Variants in USP29 observed in about 807,000 individuals in gnomAD.
USP29 encodes the protein ubiquitin carboxyl-terminal hydrolase 29.
For synonymous variants in USP29, 386 were observed against 387.4 expected (o/e 1.00, Z 0.04); for missense variants, 1,102 against 1,069.0 (o/e 1.03, Z -0.43).
At chr19:57,123,079 G>A (rs2086806273) in intron 2 of USP29, among the ~76,000 whole-genome samples, 1 of 152,098 alleles carries the variant, frequency 6.6e-6, no homozygotes, top group African/African-American at 2.4e-5. Flanking sequence ...GAAGAAATGT[G>A]GGCACCCATC....
At chr19:57,127,471 A>T (rs1395029375) in intron 3 of USP29, among the ~76,000 whole-genome samples, 2 of 152,206 alleles carry the variant, frequency 1.3e-5, no homozygotes, top group Non-Finnish European at 2.9e-5. Context: ...TTCTTCAGAG[A>T]TGCCCTGACC....
Position 57,130,996 on chromosome 19 carries a change from T to A in USP29, c.2321T>A (p.Leu774Ter). ...TEETLNQSTE[L>*]RLQKADLNHL... ...GAGACCCTCAATCAGTCTACAGAAT[T>A]AAGACTTCAAAAGGCTGACCTGAAT... The change falls in exon 4 of 4, where the codon TTA (leucine) becomes TAA (stop). Residue 774 changes from leucine to a stop codon, truncating the protein, a stop_gained. Transcript: ENST00000254181. LOFTEE classifies it low-confidence loss of function (END_TRUNC). 1 of 1,614,104 alleles carries A rather than the reference T, an allele frequency of 6.2e-7. No individual in the cohort carries two copies.
At chr19:57,126,046 T>C (rs2086822390) in intron 3 of USP29, among the ~76,000 whole-genome samples, 1 of 152,194 alleles carries the variant, frequency 6.6e-6, no homozygotes, top group Non-Finnish European at 1.5e-5. Context: ...GGATATGAAA[T>C]TCAGGGTTGA....
intron 1 of USP29, among the ~76,000 whole-genome samples, chr19:57,121,483 T>C (rs925984983): frequency 3.9e-5 from 5 of 128,676 alleles, no homozygotes; most frequent in African/African-American, 1.1e-4. Flanking sequence ...TACATACTTA[T>C]ATGTTATATA....
chr19:57,121,480 TTATATGTTATATATACTTA>T (rs1313598012), intron 1 of USP29, among the ~76,000 whole-genome samples: 6,149 of 139,774 alleles, frequency 0.044, 319 homozygotes, highest in East Asian at 0.13. Flanking sequence ...TTATACATAC[TTATATGTTATATATACTTA>T]TATATGTTAT....
At position 57,129,437 on chromosome 19, in the gene USP29, GACATCT is replaced by G. The variant is rs1297484588; in HGVS notation, c.763_768del (p.Thr255_Ser256del). On this transcript the variant is annotated inframe_deletion, in exon 4 of 4. Transcript: ENST00000254181. ...AGACTCTCAATGCCAAAAATGGTTT[GACATCT>G]CCATTGGAACCAGAGCACAGCCAGG... The G allele has an allele frequency of 6.2e-7, 1 of 1,614,156 alleles. No homozygotes were observed. Among genetic ancestry groups the G allele is most frequent in the Non-Finnish European group, 8.5e-7 (1 of 1,180,040 alleles).
At chr19:57,122,849 C>G (rs878855340) in intron 2 of USP29, among the ~76,000 whole-genome samples, 1 of 152,068 alleles carries the variant, frequency 6.6e-6, no homozygotes, top group Non-Finnish European at 1.5e-5. Flanking sequence ...TGTGATTCCT[C>G]CTTTCATTAA....
chr19:57,130,592 A>C lies in USP29; in HGVS notation c.1917A>C (p.Ala639=), dbSNP rs764495368. ...AATTGGTCCACTTTAGAGATAGGGCAATCGGTGAAAAGGAGCTTCCAGTGG... is the reference window on the plus strand; with the variant it reads ...AATTGGTCCACTTTAGAGATAGGGCCATCGGTGAAAAGGAGCTTCCAGTGG... ...ESELVHFRDR[A]IGEKELPVAD... Residue 639 remains alanine, a synonymous_variant, in exon 4 of 4, where the codon GCA becomes GCC. Transcript: ENST00000254181. The C allele has an allele frequency of 3.1e-6, 5 of 1,614,184 alleles. No homozygotes were observed. The Admixed American group carries it at 6.7e-5, about 22-fold the overall frequency.
Position 57,130,464 on chromosome 19 carries a change from C to A in USP29, c.1789C>A (p.Pro597Thr). The part of the protein sequence containing the change: ...SSDSLVLPVE[P>T]DKNADLQRFQ... ...TGATTCCCTGGTTCTACCCGTTGAA[C>A]CAGACAAGAATGCCGACCTACAAAG... The change falls in exon 4 of 4, where the codon CCA becomes ACA. Residue 597 changes from proline to threonine, a missense_variant. Transcript: ENST00000254181. 1 of 1,614,128 alleles carries A rather than the reference C, an allele frequency of 6.2e-7. No homozygotes were observed. Among genetic ancestry groups the A allele is most frequent in the East Asian group, 2.2e-5 (1 of 44,874 alleles).
At position 57,128,879 on chromosome 19, in the gene USP29, A is replaced by C. The variant is rs144516387; in HGVS notation, c.204A>C (p.Arg68Ser). 1 of 1,613,242 alleles carries C rather than the reference A, an allele frequency of 6.2e-7. No homozygotes were observed. The highest frequency in any genetic ancestry group is 1.1e-5 in the South Asian group (1 of 90,746). Residue 68 changes from arginine (R) to serine (S), a missense_variant, in exon 4 of 4, where the codon AGA (arginine) becomes AGC (serine). Arg to Ser is a moderately radical substitution (Grantham distance 110, BLOSUM62 -1). Coordinates refer to ENST00000254181, the MANE Select transcript of USP29 (RefSeq NM_020903.3). ...RSVVLRHCKK[R>S]QSHLRLTLKN... The stretch of plus-strand genomic sequence containing the variant: ...TGGTCCTTAGACATTGTAAAAAAAG[A>C]CAAAGTCACCTGCGTTTAACTTTGA...
chr19:57,128,305 T>TGGGTTTGAACTC (rs1193786838), intron 3 of USP29, among the ~76,000 whole-genome samples: 1 of 152,182 alleles, frequency 6.6e-6, no homozygotes, highest in Non-Finnish European at 1.5e-5. Flanking sequence ...ACTCCTGGGC[T>TGGGTTTGAACTC]CAAGTGATCC....
chr19:57,121,506 TTATATATACTTATATATGC>T (rs1568453949), intron 1 of USP29, among the ~76,000 whole-genome samples: 5 of 129,356 alleles, frequency 3.9e-5, no homozygotes, highest in African/African-American at 5.3e-5. Context: ...CTTATATATG[TTATATATACTTATATATGC>T]TATATATACT....
chr19:57,123,539 A>G (rs2086808443), intron 2 of USP29, among the ~76,000 whole-genome samples: 1 of 152,188 alleles, frequency 6.6e-6, no homozygotes, highest in Non-Finnish European at 1.5e-5. Context: ...TTAGTGTTAG[A>G]AAAGCAGTAA....
In USP29 at chr19:57,130,434, T is replaced by C. The variant is rs781425923; in HGVS notation, c.1759T>C (p.Ser587Pro). The change falls in exon 4 of 4, where the codon TCC becomes CCC. Residue 587 changes from serine to proline, a missense_variant. Physicochemically the swap from Ser to Pro is moderately conservative, Grantham distance 74. Coordinates refer to ENST00000254181, the MANE Select transcript of USP29 (RefSeq NM_020903.3). ...LTPSMKLTSE[S>P]SDSLVLPVEP... ...ACCATCAATGAAGCTGACCTCAGAA[T>C]CCAGTGATTCCCTGGTTCTACCCGT... 6.2e-7 allele frequency: 1 copy of C among 1,614,152 alleles called. No individual in the cohort carries two copies. The highest frequency in any genetic ancestry group is 1.1e-5 in the South Asian group (1 of 91,072).
At chr19:57,127,216 C>G (rs2086828429) in intron 3 of USP29, among the ~76,000 whole-genome samples, 1 of 152,204 alleles carries the variant, frequency 6.6e-6, no homozygotes, top group Non-Finnish European at 1.5e-5. Context: ...GTTGGGAGTT[C>G]TTTCCCAGTT....
At position 57,129,172 on chromosome 19, in the gene USP29, G is replaced by A. The variant is rs145619020; in HGVS notation, c.497G>A (p.Gly166Asp). The change falls in exon 4 of 4, where the codon GGT becomes GAT. Residue 166 changes from glycine to aspartate, a missense_variant. Gly to Asp is a moderately conservative substitution (Grantham distance 94). Transcript: ENST00000254181. ...HVKKGILENQ[G>D]GKGQNTLSSD... ...AAAAAGGGGATATTAGAAAATCAAG[G>A]TGGGAAGGGGCAAAACACACTATCA... 1.8e-4 allele frequency: 290 copies of A among 1,613,744 alleles called. No homozygotes were observed. In the African/African-American group the frequency reaches 3.6e-3, roughly 20 times the overall value.
chr19:57,129,693 G>T lies in USP29; in HGVS notation c.1018G>T (p.Asp340Tyr). ...MTLTQLLALK[D>Y]FCSTKIKREL... ...CTTGACCCAGCTGCTTGCTTTGAAA[G>T]ATTTCTGTAGTACAAAGATCAAGAG... The change falls in exon 4 of 4, where the codon GAT (aspartate) becomes TAT (tyrosine). Residue 340 changes from aspartate to tyrosine, a missense_variant. Asp to Tyr is a radical substitution (Grantham distance 160, BLOSUM62 -3). Transcript: ENST00000254181. 1 of 1,614,004 alleles carries T rather than the reference G, an allele frequency of 6.2e-7. No individual in the cohort carries two copies. The highest frequency in any genetic ancestry group is 8.5e-7 in the Non-Finnish European group (1 of 1,180,000).
chr19:57,125,191 T>C lies in USP29; in HGVS notation c.-17+1052T>C, dbSNP rs192112242. 1.2e-4 allele frequency among the ~76,000 whole-genome samples: 18 copies of C among 152,284 alleles called. No individual in the cohort carries two copies. In the East Asian group the frequency reaches 2.9e-3, roughly 25 times the overall value. On this transcript the variant is annotated intron_variant, in intron 3 of 3. Transcript: ENST00000254181. ...ATGTAGTTGTGTGGTTTTTAGTGAGTTTCTTAATCCTGAGTTATAATTGGA... is the reference window on the plus strand; with the variant it reads ...ATGTAGTTGTGTGGTTTTTAGTGAGCTTCTTAATCCTGAGTTATAATTGGA...
rs766329003 is a variant in USP29, at chr19:57,129,386, C to T, written c.711C>T (p.Asn237=). 5.0e-6 allele frequency: 8 copies of T among 1,614,014 alleles called. No individual in the cohort carries two copies. The South Asian group carries it at 6.6e-5, about 13-fold the overall frequency. The change falls in exon 4 of 4, where the codon AAC becomes AAT. Residue 237 remains asparagine, a synonymous_variant. Coordinates refer to ENST00000254181, the MANE Select transcript of USP29 (RefSeq NM_020903.3). Reference sequence around the variant, plus strand: ...ATACCAACTGTAATGGAAATCCTAACCTAGATGAGACTGTTCTTGCAACCC... The same window carrying T: ...ATACCAACTGTAATGGAAATCCTAATCTAGATGAGACTGTTCTTGCAACCC... ...SFNTNCNGNP[N]LDETVLATQT...
Sources: gnomAD v4.1 joint callset for allele counts (sites outside exome capture counted in the v4.1 genomes callset) on GRCh38, gnomAD v4.1.1 for gene constraint, MANE v1.5 for transcripts, NCBI Gene and HGNC (gene_info 2026-07-23, HGNC 2026-07-21) for gene names.